ATG14: variants seen among roughly 807,000 people sequenced by gnomAD.
ATG14 encodes the protein beclin 1-associated autophagy-related key regulator.
ATG14 carries 35 observed loss-of-function variants against 60.4 expected under a neutral mutation model. That is an observed-to-expected ratio of 0.58 (90% CI 0.44 to 0.77). The LOEUF (loss-of-function observed/expected upper bound fraction) is 0.77. Ranked by LOEUF, ATG14 falls within the 30% of genes least tolerant of loss-of-function variation. The pLI is 0.00. For synonymous variants in ATG14, 234 were observed against 228.8 expected (o/e 1.02, Z -0.21); for missense variants, 647 against 626.3 (o/e 1.03, Z -0.35).
chr14:55,381,439 C>T lies in ATG14; in HGVS notation c.877+523G>A, dbSNP rs184640292. On this transcript the variant is annotated intron_variant, in intron 6 of 9. Coordinates refer to ENST00000247178, the MANE Select transcript of ATG14 (RefSeq NM_014924.5). ...TTAAATATACTTCTTTAAATAACGT[C>T]CTCTTACATAAACAAGACAATATTA... Among the ~76,000 whole-genome samples the T allele has an allele frequency of 8.2e-3, 1,245 of 152,256 alleles. 22 individuals are homozygous for T. The highest frequency in any genetic ancestry group is 8.9e-3 in the Non-Finnish European group (605 of 68,024).
chr14:55,402,887 T>C (rs1885419296), intron 1 of ATG14, among the ~76,000 whole-genome samples: 1 of 51,218 alleles, frequency 2.0e-5, no homozygotes, highest in Non-Finnish European at 3.3e-5. Flanking sequence ...TAAGACTCCA[T>C]CTCTACAAAA....
chr14:55,399,998 T>C (rs1025511437), intron 1 of ATG14, among the ~76,000 whole-genome samples: 1 of 152,224 alleles, frequency 6.6e-6, no homozygotes, highest in Admixed American at 6.5e-5. Flanking sequence ...TATCAAATAT[T>C]GAAAGGAATG....
intron 7 of ATG14, among the ~76,000 whole-genome samples, chr14:55,379,019 C>A (rs1884978500): frequency 6.6e-6 from 1 of 152,002 alleles, no homozygotes; most frequent in African/African-American, 2.4e-5. Flanking sequence ...GCCCTCTCAT[C>A]CTGTTTTAAC....
chr14:55,379,997 A>G (rs910584829), intron 7 of ATG14, among the ~76,000 whole-genome samples: 2 of 152,224 alleles, frequency 1.3e-5, no homozygotes, highest in Non-Finnish European at 2.9e-5. Flanking sequence ...CTGTAATCCC[A>G]GCACTTTGGG....
chr14:55,369,564 G>T lies in ATG14; in HGVS notation c.*55C>A. On this transcript the variant is annotated 3_prime_UTR_variant, in exon 10 of 10. Transcript: ENST00000247178. ...TTAAACAGAAAATGTTTACTAGAGT[G>T]TAGTGGGAGAAGAACTTTCTTGATG... is the stretch of plus-strand genomic sequence containing the variant. The T allele has an allele frequency of 7.2e-7, 1 of 1,391,950 alleles. No individual in the cohort carries two copies. 86.2% of individuals were successfully genotyped at this position (1,391,950 alleles called of 1,614,324 possible). A position where few individuals can be genotyped will look rare whatever the true frequency, so the allele number is the denominator to read the frequency against.
At chr14:55,378,171 T>G in intron 7 of ATG14, 97 bp from the exon 8 acceptor site, 1 of 976,960 alleles carries the variant, frequency 1.0e-6, no homozygotes, top group East Asian at 2.6e-5. Flanking sequence ...ACACATACTC[T>G]GTGCCCTTTT....
chr14:55,411,801 C>A lies in ATG14; in HGVS notation c.22G>T (p.Gly8Ter). Residue 8 changes from glycine to a stop codon, truncating the protein, a stop_gained, in exon 1 of 10, where the codon GGA (glycine) becomes TGA (stop). Transcript: ENST00000247178. LOFTEE classifies it high-confidence loss of function. MASPSGK[G>*]ARALEAPGCG... ...CCAGGAGCCTCCAGCGCCCGGGCTC[C>A]CTTCCCACTGGGAGACGCCATGATG... 1 of 1,598,026 alleles carries A rather than the reference C, an allele frequency of 6.3e-7. No homozygotes were observed. Among genetic ancestry groups the A allele is most frequent in the Non-Finnish European group, 8.5e-7 (1 of 1,172,962 alleles).
Position 55,368,450 on chromosome 14 carries a change from C to T in ATG14, c.*1169G>A, listed in dbSNP as rs577382170. The T allele has an allele frequency of 6.6e-6, 1 of 152,374 alleles. No individual in the cohort carries two copies. Among genetic ancestry groups the T allele is most frequent in the Non-Finnish European group, 1.5e-5 (1 of 68,098 alleles). 9.4% of individuals were successfully genotyped at this position (152,374 alleles called of 1,614,324 possible). A position where few individuals can be genotyped will look rare whatever the true frequency, so the allele number is the denominator to read the frequency against. On this transcript the variant is annotated 3_prime_UTR_variant, in exon 10 of 10. Transcript: ENST00000247178. ...AGCCAGGCTGCTCTCAAACTCCTGA[C>T]CTCAAGTGATCCGCCTGCCTCGGCC... is the stretch of plus-strand genomic sequence containing the variant.
At position 55,369,652 on chromosome 14, in the gene ATG14, G is replaced by A; in HGVS notation, c.1446C>T (p.Thr482=). 6.5e-7 allele frequency: 1 copy of A among 1,545,518 alleles called. No individual in the cohort carries two copies. The highest frequency in any genetic ancestry group is 1.2e-5 in the South Asian group (1 of 80,560). Residue 482 remains threonine, a synonymous_variant, in exon 10 of 10, where the codon ACC becomes ACT. Transcript: ENST00000247178. ...GMISSAAASV[T]SWFKAYTGHR is the part of the protein sequence containing the mutation. The stretch of plus-strand genomic sequence containing the variant: ...GTCCAGTGTAAGCTTTAAACCAGGA[G>A]GTCACCGAGGCTGCTGCAGAGGAGA...
intron 2 of ATG14, among the ~76,000 whole-genome samples, chr14:55,396,985 C>A (rs1438418181): frequency 6.6e-6 from 1 of 152,164 alleles, no homozygotes; most frequent in Non-Finnish European, 1.5e-5. Flanking sequence ...AGGTAATGTG[C>A]AGACCATATG....
rs939051086 is a variant in ATG14 at position 55,367,738 on chromosome 14, C to G, written c.*1881G>C. The G allele has an allele frequency of 1.5e-5, 2 of 130,770 alleles. No homozygotes were observed. Among genetic ancestry groups the G allele is most frequent in the East Asian group, 4.3e-4 (2 of 4,642 alleles). 8.1% of individuals were successfully genotyped at this position (130,770 alleles called of 1,614,324 possible). A position where few individuals can be genotyped will look rare whatever the true frequency, so the allele number is the denominator to read the frequency against. ...CAGCCTGGGCAGCTGAGTGAGACTC[C>G]GTCTCCAAAAAAAAAAAAGACCACC... is the stretch of plus-strand genomic sequence containing the variant. On this transcript the variant is annotated 3_prime_UTR_variant, in exon 10 of 10. Transcript: ENST00000247178.
At chr14:55,378,149 C>G (rs1396961517) in intron 7 of ATG14, 75 bp from the exon 8 acceptor site, 10 of 1,288,558 alleles carry the variant, frequency 7.8e-6, no homozygotes, top group East Asian at 7.3e-5. Flanking sequence ...ATTTACAGTA[C>G]AATTAGGTAT....
chr14:55,396,661 C>T (rs561232761), intron 2 of ATG14, among the ~76,000 whole-genome samples: 2 of 152,066 alleles, frequency 1.3e-5, no homozygotes, highest in Non-Finnish European at 2.9e-5. Context: ...TTGGGCAGGG[C>T]GTGCTCAGAG....
chr14:55,392,648 CAAA>C (rs1197794000), intron 3 of ATG14, among the ~76,000 whole-genome samples: 5 of 51,888 alleles, frequency 9.6e-5, no homozygotes, highest in African/African-American at 1.5e-4. Context: ...GACTCCACCT[CAAA>C]AAAAAAAAAA....
At position 55,411,810 on chromosome 14, in the gene ATG14, T is replaced by C; in HGVS notation, c.13A>G (p.Ser5Gly). The change falls in exon 1 of 10, where the codon AGT (serine) becomes GGT (glycine). Residue 5 changes from serine to glycine, a missense_variant. By Grantham distance (56) the Ser-to-Gly change is moderately conservative (BLOSUM62 0). Coordinates refer to ENST00000247178, the MANE Select transcript of ATG14 (RefSeq NM_014924.5). ...TCCAGCGCCCGGGCTCCCTTCCCAC[T>C]GGGAGACGCCATGATGGCCTGAGAG... MASPSGKGARALEAP... is the reference protein window; with the variant it reads MASPGGKGARALEAP... 1 of 1,595,206 alleles carries C rather than the reference T, an allele frequency of 6.3e-7. No individual in the cohort carries two copies. Among genetic ancestry groups the C allele is most frequent in the Non-Finnish European group, 8.5e-7 (1 of 1,171,680 alleles).
intron 1 of ATG14, among the ~76,000 whole-genome samples, chr14:55,403,465 A>G (rs1198831204): frequency 1.4e-4 from 22 of 152,236 alleles, no homozygotes; most frequent in Non-Finnish European, 3.1e-4. Context: ...CAGCCTTTAG[A>G]AACAAAAATA....
chr14:55,372,165 C>CT (rs1884833743), intron 9 of ATG14, among the ~76,000 whole-genome samples: 1 of 152,154 alleles, frequency 6.6e-6, no homozygotes, highest in Non-Finnish European at 1.5e-5. Context: ...CTTTAGCTGG[C>CT]TGGGACTCCT....
chr14:55,371,648 C>CA (rs997483117), intron 9 of ATG14, among the ~76,000 whole-genome samples: 34 of 152,050 alleles, frequency 2.2e-4, no homozygotes, highest in African/African-American at 8.0e-4. Context: ...ACTAAAAATA[C>CA]AAAAAATTAG....
chr14:55,373,449 A>G (rs1884860518), intron 9 of ATG14, among the ~76,000 whole-genome samples: 1 of 152,080 alleles, frequency 6.6e-6, no homozygotes, highest in Admixed American at 6.6e-5. Context: ...ATATGACTGT[A>G]CTATTTTTAT....
Sources: allele counts gnomAD v4.1 joint callset (sites outside exome capture counted in the v4.1 genomes callset), GRCh38; gene constraint gnomAD v4.1.1; transcripts MANE v1.5; gene names NCBI Gene and HGNC (gene_info 2026-07-23, HGNC 2026-07-21).